Variants in UTS2B observed in about 807,000 individuals in gnomAD.
UTS2B encodes the protein urotensin-2B.
Under a neutral mutation model 19.2 loss-of-function variants are expected in UTS2B, and 21 were observed. The ratio of observed to expected loss-of-function variants is 1.09; its 90% CI spans 0.78 to 1.58. The LOEUF (loss-of-function observed/expected upper bound fraction) is 1.58. Ranked by LOEUF, UTS2B falls within the 40% of genes most tolerant of loss-of-function variation. The pLI, the probability that UTS2B is intolerant of heterozygous loss-of-function variation, is 0.00. For missense variants in UTS2B, 138 were observed against 130.3 expected (o/e 1.06, Z -0.29); for synonymous variants, 57 against 50.2 (o/e 1.14, Z -0.58).
intron 3 of UTS2B, among the ~76,000 whole-genome samples, chr3:191,314,703 A>G (rs77599467): frequency 6.6e-6 from 1 of 152,320 alleles, no homozygotes; most frequent in African/African-American, 2.4e-5. Context: ...CCCACTCCAC[A>G]ACCTCCAGAG....
chr3:191,289,277 C>T (rs1716642078), intron 4 of UTS2B, among the ~76,000 whole-genome samples: 1 of 151,878 alleles, frequency 6.6e-6, no homozygotes, highest in Non-Finnish European at 1.5e-5. Context: ...GGCATGGTGG[C>T]AGGCGCCTGT....
chr3:191,344,902 C>T, the UTS2B span, among the ~76,000 whole-genome samples: 1 of 152,146 alleles, frequency 6.6e-6, no homozygotes, highest in Non-Finnish European at 1.5e-5. Context: ...TAATATATGT[C>T]CCATTGAGCG....
At chr3:191,338,190 A>G in the UTS2B span, among the ~76,000 whole-genome samples, 1 of 152,194 alleles carries the variant, frequency 6.6e-6, no homozygotes, top group African/African-American at 2.4e-5. Flanking sequence ...TGTTTTGTTT[A>G]TTGACTATGG....
intron 3 of UTS2B, among the ~76,000 whole-genome samples, chr3:191,309,639 C>G (rs149422026): frequency 6.6e-6 from 1 of 152,174 alleles, no homozygotes; most frequent in East Asian, 1.9e-4. Context: ...AATTGGATCA[C>G]AGGGGCAGAG....
chr3:191,315,572 C>T (rs1447882361), intron 3 of UTS2B, among the ~76,000 whole-genome samples: 1 of 152,192 alleles, frequency 6.6e-6, no homozygotes, highest in Non-Finnish European at 1.5e-5. Flanking sequence ...TCCCTTCACA[C>T]ATTTGGTGAT....
In UTS2B at chr3:191,316,018, T is replaced by G. The variant is rs536179214; in HGVS notation, c.-182+18A>C. The G allele has an allele frequency of 6.6e-6, 1 of 152,322 alleles. No homozygotes were observed. The highest frequency in any genetic ancestry group is 1.9e-4 in the East Asian group (1 of 5,180). The allele number at this position is 152,322 out of a possible 1,614,324, so 9.4% of individuals were successfully genotyped here. On this transcript the variant is annotated intron_variant, in intron 3 of 8. Coordinates refer to ENST00000340524, the MANE Select transcript of UTS2B (RefSeq NM_198152.5). ...TCAAATTTCTGCAAATTGGGTAAGG[T>G]CAGAGAGCTCTTCTTACCTGTGTCA...
At chr3:191,301,318 T>C (rs1406853403) in intron 4 of UTS2B, among the ~76,000 whole-genome samples, 1 of 152,166 alleles carries the variant, frequency 6.6e-6, no homozygotes, top group Non-Finnish European at 1.5e-5. Context: ...TCAGTCTTCA[T>C]TGAGTCACAG....
At chr3:191,326,034 T>C (rs921011477) in intron 2 of UTS2B, among the ~76,000 whole-genome samples, 1 of 152,242 alleles carries the variant, frequency 6.6e-6, no homozygotes, top group African/African-American at 2.4e-5. Flanking sequence ...AGGTATATTA[T>C]GCTGATGAGC....
intron 8 of UTS2B, among the ~76,000 whole-genome samples, chr3:191,272,083 A>G (rs1336504381): frequency 6.6e-6 from 1 of 152,220 alleles, no homozygotes; most frequent in East Asian, 1.9e-4. Flanking sequence ...CACGTGTTCC[A>G]CATAGTGTAT....
chr3:191,313,155 T>A (rs966001953), intron 3 of UTS2B, among the ~76,000 whole-genome samples: 2 of 151,976 alleles, frequency 1.3e-5, no homozygotes, highest in African/African-American at 4.8e-5. Flanking sequence ...TCACCAAGCC[T>A]GGCTAATTTT....
rs189639721 is a variant in UTS2B, at chr3:191,316,315, T to C, written c.-461A>G. 1 of 152,650 alleles carries C rather than the reference T, an allele frequency of 6.6e-6. No individual in the cohort carries two copies. Among genetic ancestry groups the C allele is most frequent in the East Asian group, 1.9e-4 (1 of 5,194 alleles). The allele number at this position is 152,650 out of a possible 1,614,324, so 9.5% of individuals were successfully genotyped here. A position where few individuals can be genotyped will look rare whatever the true frequency, so the allele number is the denominator to read the frequency against. Reference sequence around the variant, plus strand: ...TCTTAAAGATGGTGCGTCCGGAATTTGTTCATTTCTCCCGGTAGGTTCGTG... The same window carrying C: ...TCTTAAAGATGGTGCGTCCGGAATTCGTTCATTTCTCCCGGTAGGTTCGTG... On this transcript the variant is annotated 5_prime_UTR_variant, in exon 3 of 9. Coordinates refer to ENST00000340524, the MANE Select transcript of UTS2B (RefSeq NM_198152.5).
intron 1 of UTS2B, chr3:191,329,795 G>C (rs930051506): frequency 1.3e-6 from 2 of 1,524,276 alleles, no homozygotes; most frequent in African/African-American, 1.4e-5. Flanking sequence ...GGTCAGGGGC[G>C]TTGCCATTTC....
At chr3:191,306,976 T>C (rs534805136) in intron 3 of UTS2B, among the ~76,000 whole-genome samples, 1 of 152,296 alleles carries the variant, frequency 6.6e-6, no homozygotes, top group African/African-American at 2.4e-5. Context: ...GATTTTCTCA[T>C]TAACTAACCC....
chr3:191,276,179 A>G (rs1716230752), intron 7 of UTS2B, among the ~76,000 whole-genome samples: 1 of 152,202 alleles, frequency 6.6e-6, no homozygotes, highest in African/African-American at 2.4e-5. Context: ...TTAGGCCCTG[A>G]AGAGCTAACT....
intron 2 of UTS2B, 21 bp from the exon 3 acceptor site, chr3:191,316,460 G>C (rs1295375881): frequency 2.0e-5 from 3 of 152,256 alleles, no homozygotes; most frequent in Admixed American, 6.5e-5. Flanking sequence ...CGAAAAAATA[G>C]ATCTCCCACA....
intron 4 of UTS2B, 85 bp from the exon 5 acceptor site, chr3:191,282,398 A>C: frequency 2.1e-6 from 1 of 482,020 alleles, no homozygotes; most frequent in Non-Finnish European, 3.7e-6. Context: ...TACTTGGAGA[A>C]GTGACAGATT....
At chr3:191,283,795 A>G (rs1418804997) in intron 4 of UTS2B, among the ~76,000 whole-genome samples, 2 of 152,208 alleles carry the variant, frequency 1.3e-5, no homozygotes, top group Admixed American at 1.3e-4. Context: ...GAATTCAACC[A>G]TGAACAATGA....
At chr3:191,271,182 G>A (rs557333988) in intron 8 of UTS2B, among the ~76,000 whole-genome samples, 3 of 114,108 alleles carry the variant, frequency 2.6e-5, no homozygotes, top group Non-Finnish European at 4.9e-5. Flanking sequence ...CCAGCCTGGT[G>A]ACAGAGTGAG....
At chr3:191,314,666 C>A (rs1390092370) in intron 3 of UTS2B, among the ~76,000 whole-genome samples, 1 of 152,160 alleles carries the variant, frequency 6.6e-6, no homozygotes, top group South Asian at 2.1e-4. Flanking sequence ...AAAAACAAGT[C>A]ATGGTTACAG....
Sources: gnomAD v4.1 joint callset for allele counts (sites outside exome capture counted in the v4.1 genomes callset) on GRCh38, gnomAD v4.1.1 for gene constraint, MANE v1.5 for transcripts, NCBI Gene and HGNC (gene_info 2026-07-23, HGNC 2026-07-21) for gene names.